The following CEBPZ variants were observed in gnomAD, a reference collection of about 807,000 sequenced individuals.
CEBPZ encodes the protein CCAAT enhancer binding protein zeta.
A neutral mutation model predicts 104.5 loss-of-function variants in CEBPZ; 78 were observed. The ratio of observed to expected loss-of-function variants is 0.75; its 90% confidence interval spans 0.62 to 0.90. CEBPZ has a LOEUF of 0.90. CEBPZ is among the 40% of genes least tolerant of loss of function. The probability of loss-of-function intolerance (pLI) is 0.00; values close to 1 mark genes in which losing one functional copy is unlikely to be tolerated. For missense variants in CEBPZ, 1,439 were observed against 1,233.5 expected (o/e 1.17, Z -2.50); for synonymous variants, 470 against 427.0 (o/e 1.10, Z -1.24).
rs1423593898 is a variant in CEBPZ at position 37,223,260 on chromosome 2, C to A, written c.1791G>T (p.Gln597His). 1 of 1,614,052 alleles carries A rather than the reference C, an allele frequency of 6.2e-7. No individual in the cohort carries two copies. Among genetic ancestry groups the A allele is most frequent in the African/African-American group, 1.3e-5 (1 of 74,914 alleles). Residue 597 changes from glutamine (Q) to histidine (H), a missense_variant, in exon 3 of 16, where the codon CAG (glutamine) becomes CAT (histidine). Gln to His is a conservative substitution (Grantham distance 24). Coordinates refer to ENST00000234170, the MANE Select transcript of CEBPZ (RefSeq NM_005760.3). Reference sequence around the variant, plus strand: ...AAGCTCCACATATAAATGGTGGCATCTGTTGACAAGTAACTTGAAGTAACC... The same window carrying A: ...AAGCTCCACATATAAATGGTGGCATATGTTGACAAGTAACTTGAAGTAACC... The part of the protein sequence containing the change: ...VKRLLQVTCQ[Q>H]MPPFICGALY...
At chr2:37,214,308 G>T (rs2148352150) in intron 9 of CEBPZ, among the ~76,000 whole-genome samples, 1 of 152,096 alleles carries the variant, frequency 6.6e-6, no homozygotes, top group East Asian at 1.9e-4. Flanking sequence ...TAATTAACCA[G>T]TCAACCAGAT....
intron 13 of CEBPZ, chr2:37,204,762 A>T (rs1453318299): frequency 6.6e-6 from 1 of 152,222 alleles, no homozygotes; most frequent in East Asian, 1.9e-4. Context: ...TTTTTGTTTC[A>T]GTCAATTCTG....
At chr2:37,213,353 A>G (rs1239670583) in intron 10 of CEBPZ, 4 of 153,378 alleles carry the variant, frequency 2.6e-5, no homozygotes, top group African/African-American at 9.7e-5. Context: ...CAAAGCACAA[A>G]TCATGTATTT....
chr2:37,221,814 G>A (rs1000944028), intron 4 of CEBPZ, among the ~76,000 whole-genome samples: 1 of 152,186 alleles, frequency 6.6e-6, no homozygotes, highest in Non-Finnish European at 1.5e-5. Flanking sequence ...CACATTTCTC[G>A]AACCTCAAGG....
rs181197505 is a variant in CEBPZ at position 37,218,953 on chromosome 2, T to A, written c.2154+1432A>T. Among the ~76,000 whole-genome samples, 675 of 152,346 alleles carry A rather than the reference T, an allele frequency of 4.4e-3. 2 individuals are homozygous for A. The highest frequency in any genetic ancestry group is 0.014 in the Middle Eastern group (4 of 294). On this transcript the variant is annotated intron_variant, in intron 5 of 15. Coordinates refer to ENST00000234170, the MANE Select transcript of CEBPZ (RefSeq NM_005760.3). ...TTCCAAACACTGGCACATTTCGTTA[T>A]ACTTTACCACAACAATCACATTGTT...
rs758160502 is a variant in CEBPZ, at chr2:37,214,943, T to C, written c.2390A>G (p.Lys797Arg). 16 of 1,605,608 alleles carry C rather than the reference T, an allele frequency of 1.0e-5. No individual in the cohort carries two copies. The Admixed American group carries it at 2.5e-4, about 25-fold the overall frequency. Residue 797 changes from lysine (K) to arginine (R), a missense_variant, in exon 9 of 16, where the codon AAG (lysine) becomes AGG (arginine). By Grantham distance (26) the Lys-to-Arg change is conservative. Coordinates refer to ENST00000234170, the MANE Select transcript of CEBPZ (RefSeq NM_005760.3). ...GCTTTCTTCTTTTGCAAGGAACTCC[T>C]TACTGTTCACTACAAAAATAAATTT... is the stretch of plus-strand genomic sequence containing the variant. ...KDIRHLPVNS[K>R]EFLAKEESQI...
At chr2:37,212,280 A>G in intron 11 of CEBPZ, 55 bp downstream of exon 11, 3 of 1,491,230 alleles carry the variant, frequency 2.0e-6, no homozygotes, top group Non-Finnish European at 2.8e-6. Flanking sequence ...GTTCTGAGGG[A>G]CAACAATTTG....
intron 2 of CEBPZ, among the ~76,000 whole-genome samples, chr2:37,226,605 T>A (rs952943689): frequency 2.6e-5 from 4 of 152,152 alleles, no homozygotes; most frequent in African/African-American, 7.2e-5. Flanking sequence ...TGTCTACCAA[T>A]AGGTTTTTAG....
At chr2:37,224,144 C>A (rs1664829844) in intron 2 of CEBPZ, among the ~76,000 whole-genome samples, 1 of 152,204 alleles carries the variant, frequency 6.6e-6, no homozygotes, top group Non-Finnish European at 1.5e-5. Context: ...ACCCCAGTGC[C>A]TGGCAGTTAA....
Position 37,216,338 on chromosome 2 carries a change from AT to A in CEBPZ, c.2288del (p.Asn763IlefsTer15). On this transcript the variant is annotated frameshift_variant, in exon 7 of 16. Transcript: ENST00000234170. LOFTEE classifies it high-confidence loss of function. ...MRFLDRFVYR[N>X]PKPHKGKENT... Reference sequence around the variant, plus strand: ...TACCTTTGCCTTTATGGGGCTTTGGATTTCGGTATACAAATCGATCCAAAAA... The same window carrying A: ...TACCTTTGCCTTTATGGGGCTTTGGATTCGGTATACAAATCGATCCAAAAA... 1 of 1,613,772 alleles carries A rather than the reference AT, an allele frequency of 6.2e-7. No homozygotes were observed. The highest frequency in any genetic ancestry group is 1.1e-5 in the South Asian group (1 of 91,048).
chr2:37,228,853 T>C lies in CEBPZ; in HGVS notation c.340A>G (p.Ser114Gly). 1 of 1,600,130 alleles carries C rather than the reference T, an allele frequency of 6.2e-7. No homozygotes were observed. Among genetic ancestry groups the C allele is most frequent in the Non-Finnish European group, 8.5e-7 (1 of 1,176,422 alleles). The change falls in exon 2 of 16, where the codon AGC (serine) becomes GGC (glycine). Residue 114 changes from serine to glycine, a missense_variant. Ser to Gly is a moderately conservative substitution (Grantham distance 56). Transcript: ENST00000234170. ...EDEPAEKENS[S>G]KKEVKIPKIN... ...TTAGGTATTTTTACTTCTTTTTTGC[T>C]GGAATTTTCTTTTTCAGCTGGTTCA...
At chr2:37,221,355 T>C (rs1276098929) in intron 4 of CEBPZ, among the ~76,000 whole-genome samples, 1 of 152,058 alleles carries the variant, frequency 6.6e-6, no homozygotes, top group African/African-American at 2.4e-5. Context: ...AACCCCAAAC[T>C]TCTCCCTTTC....
At chr2:37,215,995 G>T in intron 8 of CEBPZ, 145 bp downstream of exon 8, 51 of 406,512 alleles carry the variant, frequency 1.3e-4, no homozygotes, top group Non-Finnish European at 1.7e-4. Flanking sequence ...GTAGATTTAA[G>T]AATACCTATT....
chr2:37,215,877 G>A (rs1306252705), intron 8 of CEBPZ, among the ~76,000 whole-genome samples: 9 of 151,024 alleles, frequency 6.0e-5, no homozygotes, highest in African/African-American at 1.7e-4. Context: ...AAAGCTGGGT[G>A]ATGGTAATGG....
At chr2:37,205,291 T>A (rs1161678913) in intron 13 of CEBPZ, among the ~76,000 whole-genome samples, 1 of 152,176 alleles carries the variant, frequency 6.6e-6, no homozygotes, top group Non-Finnish European at 1.5e-5. Flanking sequence ...ATCCAGATGG[T>A]CGGTTCCTGC....
rs66609313 is a variant in CEBPZ, at chr2:37,225,039, AAAACAAAC to A, written c.1650-1646_1650-1639del. On this transcript the variant is annotated intron_variant, in intron 2 of 15. Transcript: ENST00000234170. ...CAAAATAATGAAACCACCCCCCTTC[AAAACAAAC>A]AAACAAACAAACAAACAAACAAACT... 7.8e-3 allele frequency among the ~76,000 whole-genome samples: 1,178 copies of A among 151,296 alleles called. 14 individuals are homozygous for A. The highest frequency in any genetic ancestry group is 0.022 in the African/African-American group (886 of 41,096).
chr2:37,204,932 C>T (rs1677480017), intron 13 of CEBPZ, among the ~76,000 whole-genome samples: 1 of 152,032 alleles, frequency 6.6e-6, no homozygotes, highest in Non-Finnish European at 1.5e-5. Context: ...TTCCTTTTAC[C>T]AGCATCTTTT....
At chr2:37,217,892 A>G (rs1242203728) in intron 5 of CEBPZ, among the ~76,000 whole-genome samples, 2 of 125,666 alleles carry the variant, frequency 1.6e-5, no homozygotes, top group Non-Finnish European at 3.3e-5. Flanking sequence ...ACAGAGCAAG[A>G]CTCTGTCTCA....
chr2:37,207,147 T>C (rs1431400312), intron 13 of CEBPZ, among the ~76,000 whole-genome samples: 1 of 152,134 alleles, frequency 6.6e-6, no homozygotes, highest in African/African-American at 2.4e-5. Context: ...CTTCCAAATT[T>C]ATAAAACCAT....
Sources: allele counts gnomAD v4.1 joint callset (sites outside exome capture counted in the v4.1 genomes callset), GRCh38; gene constraint gnomAD v4.1.1; transcripts MANE v1.5; gene names NCBI Gene and HGNC (gene_info 2026-07-23, HGNC 2026-07-21).